The following LGR6 variants were observed in gnomAD, a reference collection of about 807,000 sequenced individuals.
LGR6 encodes leucine rich repeat containing G protein-coupled receptor 6, also known as leucine-rich repeat-containing G protein-coupled receptor 6.
In LGR6, 45 loss-of-function variants were observed where a neutral mutation model predicts 69.4. That is an observed-to-expected ratio of 0.65 (90% CI 0.51 to 0.83). LGR6 has a LOEUF of 0.83. LGR6 is among the 40% of genes least tolerant of loss of function. LGR6 has a pLI of 0.00. For synonymous variants in LGR6, 538 were observed against 555.0 expected, an observed-to-expected ratio of 0.97 and a Z score of 0.43; for missense variants, 1,108 against 1,246.7, an observed-to-expected ratio of 0.89 and a Z score of 1.68.
intron 3 of LGR6, among the ~76,000 whole-genome samples, chr1:202,232,076 G>A (rs1170705578): frequency 6.7e-6 from 1 of 148,258 alleles, no homozygotes; most frequent in Non-Finnish European, 1.5e-5. Flanking sequence ...ACTCCAGCCT[G>A]GACAACAAGA....
intron 4 of LGR6, among the ~76,000 whole-genome samples, chr1:202,257,676 A>G (rs1663885563): frequency 1.3e-5 from 2 of 152,160 alleles, no homozygotes; most frequent in South Asian, 4.1e-4. Flanking sequence ...CAATTGATCT[A>G]CATATCTATC....
chr1:202,316,746 G>A (rs1307171836), intron 17 of LGR6, among the ~76,000 whole-genome samples: 1 of 152,096 alleles, frequency 6.6e-6, no homozygotes, highest in Non-Finnish European at 1.5e-5. Context: ...GAAAGAAAAG[G>A]TTTAAAAATA....
chr1:202,268,367 T>G lies in LGR6; in HGVS notation c.429-7939T>G, dbSNP rs1664835700. On this transcript the variant is annotated intron_variant, in intron 4 of 17. Coordinates refer to ENST00000367278, the MANE Select transcript of LGR6 (RefSeq NM_001017403.2). This position sits in a 1 kb window ranked among gnomAD's most constrained non-coding sequence, Gnocchi z 4.4. Reference sequence around the variant, plus strand: ...GGAATCCTTGCCTTCCCAGGCAGGCTCTCGGTCAGGGCCGTTGGTCCCTCC... The same window carrying G: ...GGAATCCTTGCCTTCCCAGGCAGGCGCTCGGTCAGGGCCGTTGGTCCCTCC... 6.6e-6 allele frequency among the ~76,000 whole-genome samples: 1 copy of G among 152,132 alleles called. No individual in the cohort carries two copies. Among genetic ancestry groups the G allele is most frequent in the Non-Finnish European group, 1.5e-5 (1 of 68,022 alleles).
At chr1:202,290,562 C>T (rs1238442817) in intron 6 of LGR6, among the ~76,000 whole-genome samples, 1 of 152,184 alleles carries the variant, frequency 6.6e-6, no homozygotes, top group Non-Finnish European at 1.5e-5. Flanking sequence ...TCTCTCCAAG[C>T]TCATTTCCTC....
chr1:202,261,139 T>C (rs1009187434), intron 4 of LGR6, among the ~76,000 whole-genome samples: 19 of 152,058 alleles, frequency 1.2e-4, no homozygotes, highest in Non-Finnish European at 2.2e-4. Flanking sequence ...ATGTGCAGCT[T>C]AGTTACATAT....
At chr1:202,197,865 G>A (rs1452175919) in intron 1 of LGR6, among the ~76,000 whole-genome samples, 2 of 152,194 alleles carry the variant, frequency 1.3e-5, no homozygotes, top group African/African-American at 2.4e-5. Context: ...CTCTGGGCCC[G>A]CAAGGCTGAG....
At chr1:202,195,843 C>T (rs1383435723) in intron 1 of LGR6, among the ~76,000 whole-genome samples, 1 of 152,166 alleles carries the variant, frequency 6.6e-6, no homozygotes, top group Non-Finnish European at 1.5e-5. Flanking sequence ...ATTAAGTCTT[C>T]CTAGACTGGT....
At chr1:202,238,412 CTTTTTTTTTTT>C (rs60376943) in intron 4 of LGR6, among the ~76,000 whole-genome samples, 2 of 83,982 alleles carry the variant, frequency 2.4e-5, no homozygotes, top group East Asian at 4.8e-4. Flanking sequence ...CAGCCTGATC[CTTTTTTTTTTT>C]TTTTTTTTTT....
intron 16 of LGR6, among the ~76,000 whole-genome samples, chr1:202,310,844 T>C (rs1212076376): frequency 6.6e-6 from 1 of 152,118 alleles, no homozygotes; most frequent in East Asian, 1.9e-4. Flanking sequence ...TGTAGGGTTA[T>C]TGCTGTCCAA....
chr1:202,208,151 T>C (rs1659324930), intron 1 of LGR6, among the ~76,000 whole-genome samples: 1 of 152,130 alleles, frequency 6.6e-6, no homozygotes, highest in African/African-American at 2.4e-5. Context: ...GTTTCCCTCC[T>C]CCAATTTCGT....
chr1:202,265,269 C>T (rs907524478), intron 4 of LGR6, among the ~76,000 whole-genome samples: 1 of 152,182 alleles, frequency 6.6e-6, no homozygotes, highest in Non-Finnish European at 1.5e-5. Flanking sequence ...CTCTCTGTCA[C>T]CATGGGACTG....
intron 3 of LGR6, among the ~76,000 whole-genome samples, chr1:202,230,049 A>C (rs1660887620): frequency 6.6e-6 from 1 of 152,178 alleles, no homozygotes; most frequent in South Asian, 2.1e-4. Flanking sequence ...ACCAGGAGAC[A>C]GTCACCTTAG....
intron 1 of LGR6, among the ~76,000 whole-genome samples, chr1:202,207,038 C>G (rs1433839158): frequency 6.6e-6 from 1 of 152,102 alleles, no homozygotes; most frequent in East Asian, 1.9e-4. Context: ...CTGCCTCAGC[C>G]TCTCAAGTAG....
intron 1 of LGR6, among the ~76,000 whole-genome samples, chr1:202,219,931 A>T (rs1438956540): frequency 6.6e-6 from 1 of 152,126 alleles, no homozygotes; most frequent in Non-Finnish European, 1.5e-5. Context: ...GCTGGGGTAC[A>T]GTGGCATGAT....
intron 4 of LGR6, among the ~76,000 whole-genome samples, chr1:202,275,349 A>G (rs572718443): frequency 4.1e-4 from 62 of 152,336 alleles, no homozygotes; most frequent in Admixed American, 1.3e-4. Context: ...CCAAGTCCCA[A>G]CCTGGGGCTC....
intron 9 of LGR6, 98 bp from the exon 10 acceptor site, chr1:202,303,181 A>G: frequency 1.1e-6 from 1 of 912,602 alleles, no homozygotes. Context: ...TTGCCCCCAA[A>G]GGAGGAGTCC....
chr1:202,311,653 T>G (rs1008791330), intron 16 of LGR6, among the ~76,000 whole-genome samples: 13 of 152,150 alleles, frequency 8.5e-5, no homozygotes, highest in Non-Finnish European at 1.6e-4. Context: ...CAGAGTGAGA[T>G]TCTGTCTCAA....
intron 7 of LGR6, among the ~76,000 whole-genome samples, chr1:202,297,820 C>T (rs1013156971): frequency 1.3e-4 from 19 of 149,570 alleles, no homozygotes; most frequent in African/African-American, 4.4e-4. Context: ...GGCCCTGGGG[C>T]CTTCCAGCCT....
intron 4 of LGR6, among the ~76,000 whole-genome samples, chr1:202,273,840 C>T (rs1665319715): frequency 6.6e-6 from 1 of 152,140 alleles, no homozygotes; most frequent in Non-Finnish European, 1.5e-5. Context: ...CCTCAAGGCC[C>T]TCATTCATGA....
Sources: allele counts gnomAD v4.1 joint callset (sites outside exome capture counted in the v4.1 genomes callset), GRCh38; gene constraint gnomAD v4.1.1; non-coding constraint Gnocchi (gnomAD v3.1); transcripts MANE v1.5; gene names NCBI Gene and HGNC (gene_info 2026-07-23, HGNC 2026-07-21).